FSTL5: variants seen among roughly 807,000 people sequenced by gnomAD.
FSTL5 encodes the protein follistatin like 5, also known as follistatin-related protein 5.
A neutral mutation model predicts 89.1 loss-of-function variants in FSTL5; 62 were observed. That is an observed-to-expected ratio of 0.70 (90% confidence interval 0.57 to 0.86). The LOEUF is 0.86. Among genes scored for constraint, FSTL5 ranks in the 40% least tolerant of loss-of-function variants. FSTL5 has a pLI of 0.00. For missense variants in FSTL5, 1,057 were observed against 1,001.6 expected, an observed-to-expected ratio of 1.06 and a Z score of -0.75; for synonymous variants, 383 against 346.2, an observed-to-expected ratio of 1.11 and a Z score of -1.18.
intron 11 of FSTL5, among the ~76,000 whole-genome samples, chr4:161,509,798 G>A (rs1730595688): frequency 6.6e-6 from 1 of 152,122 alleles, no homozygotes; most frequent in Admixed American, 6.6e-5. Flanking sequence ...CCCAGCCTTT[G>A]TGACTAAATG....
intron 4 of FSTL5, among the ~76,000 whole-genome samples, chr4:161,861,951 C>A (rs1290825919): frequency 6.6e-6 from 1 of 152,198 alleles, no homozygotes; most frequent in Non-Finnish European, 1.5e-5. Context: ...TCTTTCCTCA[C>A]CTTGTAAAAC....
At chr4:162,061,277 G>C (rs1738709810) in intron 2 of FSTL5, among the ~76,000 whole-genome samples, 2 of 152,160 alleles carry the variant, frequency 1.3e-5, no homozygotes, top group South Asian at 2.1e-4. Flanking sequence ...AGCCTTCCCA[G>C]TGAAAACATA....
At chr4:161,618,660 C>T (rs1002042438) in intron 7 of FSTL5, among the ~76,000 whole-genome samples, 1 of 152,038 alleles carries the variant, frequency 6.6e-6, no homozygotes, top group Admixed American at 6.6e-5. Flanking sequence ...AGCTTTGTAT[C>T]CCAGGGATGA....
chr4:161,689,050 G>A (rs893486827), intron 6 of FSTL5, among the ~76,000 whole-genome samples: 8 of 152,024 alleles, frequency 5.3e-5, no homozygotes, highest in Non-Finnish European at 8.8e-5. Flanking sequence ...CATTTATGTC[G>A]CTATACACAG....
intron 4 of FSTL5, among the ~76,000 whole-genome samples, chr4:161,826,601 T>G (rs994415036): frequency 6.6e-6 from 1 of 151,598 alleles, no homozygotes; most frequent in Admixed American, 6.6e-5. Context: ...AGGATTGTCA[T>G]TTTGTTGTTG....
chr4:161,700,112 A>C (rs1429948726), intron 6 of FSTL5, among the ~76,000 whole-genome samples: 1 of 152,232 alleles, frequency 6.6e-6, no homozygotes, highest in Non-Finnish European at 1.5e-5. Flanking sequence ...ACATGAGTAC[A>C]TATTGCTTAC....
chr4:161,624,850 G>C (rs775525554), intron 7 of FSTL5, among the ~76,000 whole-genome samples: 21 of 152,016 alleles, frequency 1.4e-4, no homozygotes, highest in Non-Finnish European at 2.6e-4. Context: ...TGCTGAATTT[G>C]GACATATTTG....
intron 6 of FSTL5, among the ~76,000 whole-genome samples, chr4:161,736,819 T>A (rs1276840097): frequency 6.6e-6 from 1 of 152,136 alleles, no homozygotes; most frequent in Non-Finnish European, 1.5e-5. Flanking sequence ...TGATCCTGTT[T>A]GTCTATCTAG....
chr4:161,606,304 C>T (rs1048460084), intron 7 of FSTL5, among the ~76,000 whole-genome samples: 1 of 138,844 alleles, frequency 7.2e-6, no homozygotes, highest in African/African-American at 2.7e-5. Flanking sequence ...AGTGCAGTGG[C>T]GCGATCCCGG....
At chr4:162,053,926 A>G (rs1016018131) in intron 2 of FSTL5, among the ~76,000 whole-genome samples, 2 of 151,778 alleles carry the variant, frequency 1.3e-5, no homozygotes, top group African/African-American at 4.8e-5. Flanking sequence ...CAGAGGAAAA[A>G]AACAAGAAGG....
intron 6 of FSTL5, among the ~76,000 whole-genome samples, chr4:161,691,134 G>T (rs1737927844): frequency 6.6e-6 from 1 of 151,716 alleles, no homozygotes; most frequent in Non-Finnish European, 1.5e-5. Context: ...TTTAAGGTCA[G>T]GAATATTTGC....
intron 2 of FSTL5, among the ~76,000 whole-genome samples, chr4:162,041,103 T>C (rs1164020815): frequency 2.0e-5 from 3 of 149,268 alleles, no homozygotes; most frequent in Non-Finnish European, 4.4e-5. Context: ...ATCTAGATAG[T>C]ACAGTCCAGA....
chr4:161,505,210 T>A (rs1730434591), intron 11 of FSTL5, among the ~76,000 whole-genome samples: 1 of 152,166 alleles, frequency 6.6e-6, no homozygotes, highest in East Asian at 1.9e-4. Context: ...TGCGTTGCAT[T>A]TTCTCACTGA....
Position 161,618,877 on chromosome 4 carries a change from G to A in FSTL5, c.895-31302C>T, listed in dbSNP as rs57663466. On this transcript the variant is annotated intron_variant, in intron 7 of 15. Transcript: ENST00000306100. ...ATGACACCAAAAAAGAGCCTGCATC[G>A]CCAAGTCAATCCTAAGCCAAAAGAA... 6.1e-3 allele frequency among the ~76,000 whole-genome samples: 921 copies of A among 152,208 alleles called. 7 individuals are homozygous for A. The highest frequency in any genetic ancestry group is 0.021 in the African/African-American group (872 of 41,538).
chr4:161,557,627 A>G (rs913731718), intron 8 of FSTL5, among the ~76,000 whole-genome samples: 11 of 151,744 alleles, frequency 7.2e-5, no homozygotes. Context: ...ACCAGTATGT[A>G]AGTACAAGGA....
intron 8 of FSTL5, among the ~76,000 whole-genome samples, chr4:161,559,341 G>C (rs1361080446): frequency 6.6e-6 from 1 of 151,294 alleles, no homozygotes; most frequent in African/African-American, 2.4e-5. Context: ...CCTCCTCCTT[G>C]TTCTTTCTTC....
intron 15 of FSTL5, among the ~76,000 whole-genome samples, chr4:161,399,580 T>C (rs1731114790): frequency 6.6e-6 from 1 of 152,094 alleles, no homozygotes; most frequent in Admixed American, 6.6e-5. Flanking sequence ...ATATTATGAC[T>C]TAATTCTGAT....
At chr4:161,884,050 TTTTAA>T (rs1268973328) in intron 4 of FSTL5, among the ~76,000 whole-genome samples, 3 of 79,616 alleles carry the variant, frequency 3.8e-5, no homozygotes, top group African/African-American at 1.1e-4. Context: ...TTAGTTGTTC[TTTTAA>T]TTTAATTTTT....
chr4:161,564,711 G>T (rs1319216354), intron 8 of FSTL5, among the ~76,000 whole-genome samples: 1 of 151,442 alleles, frequency 6.6e-6, no homozygotes, highest in African/African-American at 2.4e-5. Context: ...TACTTCCAAA[G>T]ACATAATTAT....
Sources: gnomAD v4.1 joint callset for allele counts (sites outside exome capture counted in the v4.1 genomes callset) on GRCh38, gnomAD v4.1.1 for gene constraint, MANE v1.5 for transcripts, NCBI Gene and HGNC (gene_info 2026-07-23, HGNC 2026-07-21) for gene names.